Variants in PTPRJ observed in about 807,000 individuals in gnomAD.
PTPRJ encodes the protein protein tyrosine phosphatase receptor type J, also known as receptor-type tyrosine-protein phosphatase eta.
A neutral mutation model predicts 141.3 loss-of-function variants in PTPRJ; 129 were observed. The observed-to-expected ratio is 0.91, with a 90% CI of 0.79 to 1.06. The LOEUF (loss-of-function observed/expected upper bound fraction) is 1.06, where lower values mean the gene tolerates loss of function less well. Among genes scored for constraint, PTPRJ ranks in the 50% least tolerant of loss-of-function variants. PTPRJ has a pLI of 0.00. For missense variants in PTPRJ, 1,601 were observed against 1,679.7 expected, an observed-to-expected ratio of 0.95 and a Z score of 0.82; for synonymous variants, 610 against 640.5, an observed-to-expected ratio of 0.95 and a Z score of 0.72.
At chr11:48,100,356 C>T (rs1400830435) in intron 1 of PTPRJ, among the ~76,000 whole-genome samples, 1 of 152,158 alleles carries the variant, frequency 6.6e-6, no homozygotes, top group Non-Finnish European at 1.5e-5. Context: ...TGCTCGAACT[C>T]TCCTTCCCAA....
At chr11:48,154,019 A>G (rs2134379402) in intron 19 of PTPRJ, 133 bp downstream of exon 19, 2 of 701,236 alleles carry the variant, frequency 2.9e-6, no homozygotes, top group East Asian at 2.7e-5. Context: ...TACTTCCACA[A>G]CCATCCATTA....
intron 3 of PTPRJ, among the ~76,000 whole-genome samples, chr11:48,115,722 A>G (rs1301590386): frequency 6.6e-6 from 1 of 152,228 alleles, no homozygotes; most frequent in African/African-American, 2.4e-5. Flanking sequence ...AATAATAACT[A>G]CAATAACTTG....
At position 48,128,016 on chromosome 11, in the gene PTPRJ, A is replaced by G. The variant is rs1251194066; in HGVS notation, c.1330A>G (p.Thr444Ala). 13 of 1,613,438 alleles carry G rather than the reference A, an allele frequency of 8.1e-6. No individual in the cohort carries two copies. Among genetic ancestry groups the G allele is most frequent in the Non-Finnish European group, 1.1e-5 (13 of 1,179,422 alleles). Residue 444 changes from threonine (T) to alanine (A), a missense_variant, in exon 7 of 25, where the codon ACG becomes GCG. Transcript: ENST00000418331. ...TCCTGTCCTAGGTGACATCGAGGGC[A>G]CGCCGGGCTTCCTCCAAGTGCACAC... ...VCPVLGDIEG[T>A]PGFLQVHTPP...
intron 1 of PTPRJ, among the ~76,000 whole-genome samples, chr11:48,058,436 C>A (rs1854820958): frequency 3.3e-5 from 5 of 151,994 alleles, no homozygotes; most frequent in Admixed American, 3.3e-4. Context: ...GTCTTGAGAA[C>A]TCCTGGCCTC....
intron 1 of PTPRJ, among the ~76,000 whole-genome samples, chr11:48,106,836 T>G (rs1202957135): frequency 7.0e-6 from 1 of 142,036 alleles, no homozygotes; most frequent in Non-Finnish European, 1.5e-5. Flanking sequence ...TGGCGCGATC[T>G]CAGCTCACTG....
intron 1 of PTPRJ, among the ~76,000 whole-genome samples, chr11:48,005,199 A>G (rs547206262): frequency 6.6e-6 from 1 of 151,974 alleles, no homozygotes; most frequent in Admixed American, 6.6e-5. Flanking sequence ...TCCAGCCTGG[A>G]CGACAGAGTG....
intron 1 of PTPRJ, among the ~76,000 whole-genome samples, chr11:48,044,116 G>T (rs1223631854): frequency 1.3e-5 from 2 of 152,248 alleles, no homozygotes; most frequent in African/African-American, 4.8e-5. Flanking sequence ...AAAGACATGA[G>T]GAAGCTCTGA....
Position 48,123,878 on chromosome 11 carries a change from A to T in PTPRJ, c.874+8A>T. The T allele has an allele frequency of 3.1e-6, 5 of 1,612,090 alleles. No homozygotes were observed. Among genetic ancestry groups the T allele is most frequent in the Non-Finnish European group, 4.2e-6 (5 of 1,178,558 alleles). On this transcript the variant is annotated splice_region_variant and intron_variant, in intron 5 of 24. Transcript: ENST00000418331. ...GCACAGAAGGTGGCTTGGGTGAGTT[A>T]CAAAGGGTACCTTCCGTCTCCCTTA...
chr11:48,145,983 G>A (rs970947347), intron 14 of PTPRJ, among the ~76,000 whole-genome samples: 3 of 152,044 alleles, frequency 2.0e-5, no homozygotes, highest in African/African-American at 7.2e-5. Context: ...CTCCCAGGTG[G>A]GACCACAGTT....
chr11:48,032,397 A>G (rs1052579886), intron 1 of PTPRJ, among the ~76,000 whole-genome samples: 2 of 152,232 alleles, frequency 1.3e-5, no homozygotes, highest in East Asian at 1.9e-4. Context: ...AGAACTTTCA[A>G]GTTAGGCCTC....
At chr11:48,113,009 A>G in intron 3 of PTPRJ, 26 bp downstream of exon 3, 2 of 1,543,826 alleles carry the variant, frequency 1.3e-6, no homozygotes, top group East Asian at 4.5e-5. Flanking sequence ...TCTGCCAGTC[A>G]TGTTTCTTAA....
At chr11:48,054,914 G>C (rs1406584762) in intron 1 of PTPRJ, among the ~76,000 whole-genome samples, 1 of 151,728 alleles carries the variant, frequency 6.6e-6, no homozygotes, top group Non-Finnish European at 1.5e-5. Flanking sequence ...GCCAGGCATG[G>C]TGGCTCACGC....
chr11:48,144,961 C>T lies in PTPRJ; in HGVS notation c.2787-39C>T, dbSNP rs375770049. ...AGCTCTACATGCCTGCGGTCAGACA[C>T]GTCTCAGGGACCTCTTTTTGCTCTT... is the stretch of plus-strand genomic sequence containing the variant. On this transcript the variant is annotated intron_variant, in intron 13 of 24. Transcript: ENST00000418331. 54 of 1,614,132 alleles carry T rather than the reference C, an allele frequency of 3.3e-5. No individual in the cohort carries two copies. The African/African-American group carries it at 3.7e-4, about 11-fold the overall frequency.
At chr11:48,093,421 C>T (rs1855920784) in intron 1 of PTPRJ, among the ~76,000 whole-genome samples, 1 of 152,060 alleles carries the variant, frequency 6.6e-6, no homozygotes, top group African/African-American at 2.4e-5. Context: ...CATTGGTGAC[C>T]ATCCATGTGC....
At chr11:48,060,506 A>G (rs532636779) in intron 1 of PTPRJ, among the ~76,000 whole-genome samples, 136 of 152,264 alleles carry the variant, frequency 8.9e-4, no homozygotes, top group African/African-American at 3.2e-3. Flanking sequence ...TGCTCTACCC[A>G]CACGCACAGT....
At chr11:48,059,091 G>C (rs561104554) in intron 1 of PTPRJ, among the ~76,000 whole-genome samples, 1 of 144,622 alleles carries the variant, frequency 6.9e-6, no homozygotes, top group African/African-American at 2.6e-5. Context: ...ACTCCTGATC[G>C]CTCCCTACTG....
intron 1 of PTPRJ, among the ~76,000 whole-genome samples, chr11:48,086,880 G>GT (rs1855728717): frequency 6.6e-6 from 1 of 152,054 alleles, no homozygotes; most frequent in Non-Finnish European, 1.5e-5. Context: ...CTAGTCCAAA[G>GT]TATTTCCATA....
intron 1 of PTPRJ, among the ~76,000 whole-genome samples, chr11:48,075,968 G>C (rs1046817030): frequency 1.3e-5 from 2 of 152,106 alleles, no homozygotes; most frequent in Admixed American, 6.5e-5. Context: ...CTAAAGTCCT[G>C]GTCATCCCAT....
rs200444293 is a variant in PTPRJ, at chr11:48,144,888, A to G, written c.2786+3A>G. 4 of 1,614,044 alleles carry G rather than the reference A, an allele frequency of 2.5e-6. No homozygotes were observed. Among genetic ancestry groups the G allele is most frequent in the African/African-American group, 2.7e-5 (2 of 75,010 alleles). ...CTGGAACCTCTGGGCTCCTACCGGT[A>G]ATGTCTTCTGGTTCTTACTCTTTGG... is the stretch of plus-strand genomic sequence containing the variant. On this transcript the variant is annotated splice_donor_region_variant and intron_variant, in intron 13 of 24. Transcript: ENST00000418331.
Sources: gnomAD v4.1 joint callset for allele counts (sites outside exome capture counted in the v4.1 genomes callset) on GRCh38, gnomAD v4.1.1 for gene constraint, MANE v1.5 for transcripts, NCBI Gene and HGNC (gene_info 2026-07-23, HGNC 2026-07-21) for gene names.